Variants in SART3 observed in about 807,000 individuals in gnomAD.
SART3 encodes HIV-1 Tat-interacting protein of 110kDa.
Under a neutral mutation model 122.3 loss-of-function variants are expected in SART3, and 44 were observed. The ratio of observed to expected loss-of-function variants is 0.36; its 90% confidence interval spans 0.28 to 0.46. The LOEUF (loss-of-function observed/expected upper bound fraction) is 0.46. SART3 is among the 20% of genes least tolerant of loss of function. SART3 has a pLI of 1.00. For missense variants in SART3, 1,101 were observed against 1,229.0 expected, an observed-to-expected ratio of 0.90 and a Z score of 1.56; for synonymous variants, 442 against 454.0, an observed-to-expected ratio of 0.97 and a Z score of 0.34.
rs748525327 is a variant in SART3, at chr12:108,523,493, G to T, written c.2856C>A (p.Ser952=). Residue 952 remains serine (S), a synonymous_variant, in exon 19 of 19, where the codon TCC becomes TCA. Transcript: ENST00000546815. ...APAATEAPKM[S]NADFAKLFLR... Reference sequence around the variant, plus strand: ...GAAACAGCTTGGCAAAATCGGCATTGGACATCTTGGGTGCCTCGGTGGCTG... The same window carrying T: ...GAAACAGCTTGGCAAAATCGGCATTTGACATCTTGGGTGCCTCGGTGGCTG... The T allele has an allele frequency of 1.2e-5, 19 of 1,612,982 alleles. No individual in the cohort carries two copies. In the South Asian group the frequency reaches 2.0e-4, roughly 17 times the overall value.
intron 3 of SART3, among the ~76,000 whole-genome samples, chr12:108,545,771 G>A (rs577488864): frequency 6.6e-6 from 1 of 152,022 alleles, no homozygotes; most frequent in Non-Finnish European, 1.5e-5. Flanking sequence ...ATCGAAACCA[G>A]CCTGGCCAAT....
At chr12:108,536,651 A>C in intron 10 of SART3, 57 bp downstream of exon 10, 1 of 1,608,528 alleles carries the variant, frequency 6.2e-7, no homozygotes, top group Non-Finnish European at 8.5e-7. Context: ...ATCAACCAGG[A>C]AATAGTACAG....
chr12:108,529,502 A>C (rs900196142), intron 15 of SART3, among the ~76,000 whole-genome samples: 2 of 152,232 alleles, frequency 1.3e-5, no homozygotes, highest in African/African-American at 4.8e-5. Flanking sequence ...AAATGATCAA[A>C]GAACAAGGGG....
chr12:108,544,264 GT>G (rs1873303410), intron 5 of SART3, among the ~76,000 whole-genome samples, 162 bp downstream of exon 5: 2 of 152,172 alleles, frequency 1.3e-5, no homozygotes, highest in African/African-American at 4.8e-5. Context: ...CATTCAAGAT[GT>G]TTTTACCAAG....
At chr12:108,537,681 T>C in intron 8 of SART3, 86 bp from the exon 9 acceptor site, 1 of 969,606 alleles carries the variant, frequency 1.0e-6, no homozygotes, top group Non-Finnish European at 1.6e-6. Context: ...TATAAAACAC[T>C]ACATGACTTT....
At chr12:108,559,351 C>T (rs2030369747) in intron 1 of SART3, among the ~76,000 whole-genome samples, 1 of 152,164 alleles carries the variant, frequency 6.6e-6, no homozygotes, top group Non-Finnish European at 1.5e-5. Flanking sequence ...TTGTTCTGAA[C>T]CTCTGTTTCT....
At chr12:108,540,516 G>A (rs978896530) in intron 6 of SART3, among the ~76,000 whole-genome samples, 1 of 151,546 alleles carries the variant, frequency 6.6e-6, no homozygotes, top group Non-Finnish European at 1.5e-5. Context: ...TATGTTCATA[G>A]ATTGGAAGAT....
rs1230134209 is a variant in SART3 at position 108,523,136 on chromosome 12, T to C, written c.*321A>G. The C allele has an allele frequency of 9.2e-6, 4 of 436,714 alleles. No homozygotes were observed. The highest frequency in any genetic ancestry group is 4.7e-5 in the South Asian group (2 of 42,302). The allele number at this position is 436,714 out of a possible 1,614,324, so 27.1% of individuals were successfully genotyped here. A position where few individuals can be genotyped will look rare whatever the true frequency, so the allele number is the denominator to read the frequency against. On this transcript the variant is annotated 3_prime_UTR_variant, in exon 19 of 19. Coordinates refer to ENST00000546815, the MANE Select transcript of SART3 (RefSeq NM_014706.4). ...AGGGGCCGGAGCTGGCCAGAAACATTTGGACAACTGTGTCTCAAAAACAGT... is the reference window on the plus strand; with the variant it reads ...AGGGGCCGGAGCTGGCCAGAAACATCTGGACAACTGTGTCTCAAAAACAGT...
chr12:108,550,013 CAAAAAA>C (rs10572379), intron 1 of SART3, among the ~76,000 whole-genome samples: 3 of 88,242 alleles, frequency 3.4e-5, no homozygotes, highest in Non-Finnish European at 2.2e-5. Flanking sequence ...GACCCAATCT[CAAAAAA>C]AAAAAAAAAA....
At chr12:108,538,387 A>T (rs1873009032) in intron 7 of SART3, among the ~76,000 whole-genome samples, 184 bp from the exon 8 acceptor site, 1 of 152,250 alleles carries the variant, frequency 6.6e-6, no homozygotes, top group South Asian at 2.1e-4. Flanking sequence ...GGAGCAACTT[A>T]CAGGTTAAAA....
intron 1 of SART3, among the ~76,000 whole-genome samples, chr12:108,555,101 T>G (rs900041371): frequency 3.3e-5 from 5 of 152,212 alleles, no homozygotes; most frequent in Non-Finnish European, 5.9e-5. Flanking sequence ...TAGAGTTGTA[T>G]ATATGCAAAT....
chr12:108,557,419 C>T (rs142928819), intron 1 of SART3, among the ~76,000 whole-genome samples: 2 of 152,150 alleles, frequency 1.3e-5, no homozygotes, highest in African/African-American at 4.8e-5. Flanking sequence ...ATTTAACTCC[C>T]TAGCAATGTG....
chr12:108,537,063 CTAAAGGCTACCTG>C, intron 9 of SART3: 1 of 487,152 alleles, frequency 2.1e-6, no homozygotes, highest in South Asian at 2.1e-5. Context: ...AAGAGAATGG[CTAAAGGCTACCTG>C]TATGAGGTGA....
chr12:108,530,458 C>T (rs1373771047), intron 14 of SART3, 148 bp from the exon 15 acceptor site: 1 of 841,000 alleles, frequency 1.2e-6, no homozygotes, highest in African/African-American at 1.7e-5. Context: ...ACGGCTGTTC[C>T]ACACCAGGGC....
In SART3 at chr12:108,524,492, C is replaced by T; in HGVS notation, c.2538G>A (p.Val846=). The T allele has an allele frequency of 6.2e-7, 1 of 1,614,196 alleles. No homozygotes were observed. Among genetic ancestry groups the T allele is most frequent in the Admixed American group, 1.7e-5 (1 of 60,030 alleles). The part of the protein sequence containing the change: ...RAGKPKGLAY[V]EYENESQASQ... ...ACGCCTGGGATTCATTTTCATACTC[C>T]ACGTAGGCCAGGCCCTGGAAGAGGC... The change falls in exon 18 of 19, where the codon GTG becomes GTA. Residue 846 remains valine (V), a synonymous_variant. Coordinates refer to ENST00000546815, the MANE Select transcript of SART3 (RefSeq NM_014706.4).
rs762187733 is a variant in SART3 at position 108,543,109 on chromosome 12, G to A, written c.825C>T (p.Asp275=). ...TFAEYEEWSE[D]PIPESVIQNY... Reference sequence around the variant, plus strand: ...TCTGAATTACTGACTCTGGTATTGGGTCTTCTGACCATTCTTCATACTCTG... The same window carrying A: ...TCTGAATTACTGACTCTGGTATTGGATCTTCTGACCATTCTTCATACTCTG... Residue 275 remains aspartate, a synonymous_variant, in exon 6 of 19, where the codon GAC becomes GAT. Transcript: ENST00000546815. 13 of 1,614,032 alleles carry A rather than the reference G, an allele frequency of 8.1e-6. No individual in the cohort carries two copies. The highest frequency in any genetic ancestry group is 1.0e-5 in the Non-Finnish European group (12 of 1,180,010).
At chr12:108,555,946 G>A (rs977269920) in intron 1 of SART3, among the ~76,000 whole-genome samples, 1 of 152,170 alleles carries the variant, frequency 6.6e-6, no homozygotes, top group Non-Finnish European at 1.5e-5. Flanking sequence ...AGTGGAATTG[G>A]CACAGGATAG....
At chr12:108,550,715 T>C (rs11113988) in intron 1 of SART3, among the ~76,000 whole-genome samples, 6,999 of 151,936 alleles carry the variant, frequency 0.046, 188 homozygotes, top group South Asian at 0.075. Flanking sequence ...TACAAAAAAT[T>C]AGCTGGGTGT....
At chr12:108,529,661 G>C (rs1872558672) in intron 15 of SART3, among the ~76,000 whole-genome samples, 2 of 152,172 alleles carry the variant, frequency 1.3e-5, no homozygotes, top group South Asian at 4.2e-4. Context: ...GGACTCAATG[G>C]GCAGGCCACA....
Sources: gnomAD v4.1 joint callset for allele counts (sites outside exome capture counted in the v4.1 genomes callset) on GRCh38, gnomAD v4.1.1 for gene constraint, MANE v1.5 for transcripts, NCBI Gene and HGNC (gene_info 2026-07-23, HGNC 2026-07-21) for gene names.